PTPRM: variants seen among roughly 807,000 people sequenced by gnomAD.
PTPRM encodes the protein receptor-type tyrosine-protein phosphatase mu.
A neutral mutation model predicts 186.7 loss-of-function variants in PTPRM; 47 were observed. The ratio of observed to expected loss-of-function variants is 0.25; its 90% CI spans 0.20 to 0.32. The LOEUF is 0.32. Among genes scored for constraint, PTPRM ranks in the 10% least tolerant of loss-of-function variants. The pLI, the probability that PTPRM is intolerant of heterozygous loss-of-function variation, is 1.00. For missense variants in PTPRM, 1,494 were observed against 1,865.0 expected, an observed-to-expected ratio of 0.80 and a Z score of 3.66; for synonymous variants, 668 against 674.9, an observed-to-expected ratio of 0.99 and a Z score of 0.16.
Position 7,689,990 on chromosome 18 carries a change from C to A in PTPRM, c.74-84159C>A, listed in dbSNP as rs150463260. On this transcript the variant is annotated intron_variant, in intron 1 of 32. Transcript: ENST00000580170. ...GCATTTATACTGTATAAAGAGACTA[C>A]TGTATGGACACTTTGTTTTTTTAAA... 4.8e-3 allele frequency among the ~76,000 whole-genome samples: 733 copies of A among 152,266 alleles called. 6 individuals carry two copies. The highest frequency in any genetic ancestry group is 0.017 in the African/African-American group (702 of 41,526).
intron 7 of PTPRM, among the ~76,000 whole-genome samples, chr18:7,980,106 A>AT (rs1568119986): frequency 6.6e-6 from 1 of 151,780 alleles, no homozygotes; most frequent in East Asian, 1.9e-4. Flanking sequence ...CCCACAAAAT[A>AT]TTTTTTTCTA....
chr18:7,873,843 A>C (rs2048095288), intron 2 of PTPRM, among the ~76,000 whole-genome samples: 1 of 152,224 alleles, frequency 6.6e-6, no homozygotes, highest in South Asian at 2.1e-4. Flanking sequence ...TAGTATTTAT[A>C]TTCAATAAAT....
chr18:7,895,379 G>T (rs1302389546), intron 3 of PTPRM, among the ~76,000 whole-genome samples: 2 of 152,200 alleles, frequency 1.3e-5, no homozygotes, highest in Non-Finnish European at 2.9e-5. Flanking sequence ...AATGTGTTTA[G>T]TGGAATGTCA....
intron 7 of PTPRM, among the ~76,000 whole-genome samples, chr18:8,056,148 T>G (rs8096085): frequency 0.072 from 10,995 of 152,284 alleles, 509 homozygotes; most frequent in Middle Eastern, 0.27. Flanking sequence ...ATCTAATTAT[T>G]TGATGAGTCT....
chr18:7,846,751 G>T (rs1344542618), intron 2 of PTPRM, among the ~76,000 whole-genome samples: 1 of 152,132 alleles, frequency 6.6e-6, no homozygotes, highest in African/African-American at 2.4e-5. Context: ...CTGTCCTAAG[G>T]CACTGTTTTG....
intron 1 of PTPRM, among the ~76,000 whole-genome samples, chr18:7,598,024 T>C (rs568074258): frequency 6.6e-6 from 1 of 152,302 alleles, no homozygotes; most frequent in East Asian, 1.9e-4. Context: ...TAAAAAAAAT[T>C]GTTAATATAG....
intron 1 of PTPRM, among the ~76,000 whole-genome samples, chr18:7,577,585 C>T (rs561736949): frequency 8.5e-5 from 13 of 152,310 alleles, no homozygotes; most frequent in East Asian, 1.9e-4. Context: ...GGCATGTTCT[C>T]GTTCCTTTTT....
intron 13 of PTPRM, among the ~76,000 whole-genome samples, chr18:8,118,250 C>CAGTA (rs970550285): frequency 6.6e-6 from 1 of 152,158 alleles, no homozygotes; most frequent in Non-Finnish European, 1.5e-5. Context: ...TTGTCCTTGG[C>CAGTA]AGTATAGCCA....
chr18:7,762,043 G>A (rs866208836), intron 1 of PTPRM, among the ~76,000 whole-genome samples: 3 of 152,160 alleles, frequency 2.0e-5, no homozygotes, highest in African/African-American at 7.2e-5. Context: ...TATTTAATGA[G>A]TGGCAAACAC....
At chr18:8,028,291 C>A (rs569700628) in intron 7 of PTPRM, among the ~76,000 whole-genome samples, 113 of 152,288 alleles carry the variant, frequency 7.4e-4, no homozygotes, top group Admixed American at 1.6e-3. Context: ...TGTGCACCAC[C>A]GTGCCCAGCC....
chr18:8,135,255 A>G (rs1246225972), intron 13 of PTPRM, among the ~76,000 whole-genome samples: 1 of 152,224 alleles, frequency 6.6e-6, no homozygotes, highest in African/African-American at 2.4e-5. Flanking sequence ...CTTTTCAAAT[A>G]GTGCAATCAA....
At chr18:7,730,459 A>G (rs1219727560) in intron 1 of PTPRM, among the ~76,000 whole-genome samples, 2 of 152,160 alleles carry the variant, frequency 1.3e-5, no homozygotes, top group Non-Finnish European at 2.9e-5. Flanking sequence ...ACCTTAAAGC[A>G]CACATAATTA....
At chr18:8,188,620 A>T (rs1317384707) in intron 14 of PTPRM, among the ~76,000 whole-genome samples, 1 of 152,262 alleles carries the variant, frequency 6.6e-6, no homozygotes, top group Non-Finnish European at 1.5e-5. Flanking sequence ...TTTGCTAAGC[A>T]GCAAATGACT....
At chr18:7,626,362 A>G (rs1042042050) in intron 1 of PTPRM, among the ~76,000 whole-genome samples, 1 of 152,250 alleles carries the variant, frequency 6.6e-6, no homozygotes, top group African/African-American at 2.4e-5. Context: ...TCCATAGAGT[A>G]CAGCCCTGAT....
At chr18:7,927,559 C>T (rs1451317714) in intron 5 of PTPRM, among the ~76,000 whole-genome samples, 1 of 151,548 alleles carries the variant, frequency 6.6e-6, no homozygotes, top group African/African-American at 2.4e-5. Flanking sequence ...CTTCTGTGTA[C>T]GCGGTTGTGC....
rs184123343 is a variant in PTPRM, at chr18:8,079,064, A to G, written c.1551+2500A>G. 3.9e-5 allele frequency among the ~76,000 whole-genome samples: 6 copies of G among 152,284 alleles called. No homozygotes were observed. In the East Asian group the frequency reaches 1.2e-3, roughly 29 times the overall value. ...CTCTGTTCTCTCTTTGCTTATTATGAAAGATACACAAAAGCATTAATGATC... is the reference window on the plus strand; with the variant it reads ...CTCTGTTCTCTCTTTGCTTATTATGGAAGATACACAAAAGCATTAATGATC... On this transcript the variant is annotated intron_variant, in intron 9 of 32. Transcript: ENST00000580170.
intron 14 of PTPRM, among the ~76,000 whole-genome samples, chr18:8,154,196 T>C (rs2093071498): frequency 1.3e-5 from 2 of 151,812 alleles, no homozygotes; most frequent in Non-Finnish European, 2.9e-5. Flanking sequence ...CGTAGGGAAA[T>C]GGAAAAAGGA....
intron 1 of PTPRM, among the ~76,000 whole-genome samples, chr18:7,708,255 A>C (rs995798208): frequency 6.6e-6 from 1 of 152,228 alleles, no homozygotes; most frequent in African/African-American, 2.4e-5. Context: ...GTGTTTAACT[A>C]TACATCAACC....
At chr18:8,314,921 T>A in intron 21 of PTPRM, 64 bp downstream of exon 21, 3 of 1,068,724 alleles carry the variant, frequency 2.8e-6, no homozygotes, top group Non-Finnish European at 4.1e-6. Flanking sequence ...CTATGTATGA[T>A]ATTTTGATAC....
Sources: gnomAD v4.1 joint callset for allele counts (sites outside exome capture counted in the v4.1 genomes callset) on GRCh38, gnomAD v4.1.1 for gene constraint, MANE v1.5 for transcripts, NCBI Gene and HGNC (gene_info 2026-07-23, HGNC 2026-07-21) for gene names.